Variants in MARCHF1 observed in about 807,000 individuals in gnomAD.
The protein encoded by MARCHF1 is E3 ubiquitin-protein ligase MARCHF1.
Under a neutral mutation model 54.2 loss-of-function variants are expected in MARCHF1, and 40 were observed. The ratio of observed to expected loss-of-function variants is 0.74; its 90% CI spans 0.57 to 0.96. The LOEUF (loss-of-function observed/expected upper bound fraction) is 0.96. Among genes scored for constraint, MARCHF1 ranks in the 40% least tolerant of loss-of-function variants. The pLI is 0.00. For missense variants in MARCHF1, 586 were observed against 656.5 expected (o/e 0.89, Z 1.17); for synonymous variants, 236 against 236.3 (o/e 1.00, Z 0.01).
At chr4:164,087,174 T>G (rs929047636) in intron 2 of MARCHF1, among the ~76,000 whole-genome samples, 6 of 152,186 alleles carry the variant, frequency 3.9e-5, no homozygotes, top group African/African-American at 1.4e-4. Flanking sequence ...AAATTTTCTT[T>G]TTTCTAAATA....
At chr4:163,641,546 G>T (rs921820990) in intron 5 of MARCHF1, among the ~76,000 whole-genome samples, 1 of 152,134 alleles carries the variant, frequency 6.6e-6, no homozygotes, top group African/African-American at 2.4e-5. Flanking sequence ...TAATTCCTGT[G>T]TTCATACAGG....
intron 4 of MARCHF1, among the ~76,000 whole-genome samples, chr4:163,787,192 T>G (rs1747646293): frequency 6.6e-6 from 1 of 151,624 alleles, no homozygotes; most frequent in Admixed American, 6.6e-5. Flanking sequence ...AATATAACAT[T>G]GAAGCAAAGA....
At chr4:164,364,674 T>G (rs1226356762) in intron 1 of MARCHF1, among the ~76,000 whole-genome samples, 1 of 151,858 alleles carries the variant, frequency 6.6e-6, no homozygotes, top group East Asian at 1.9e-4. Context: ...CTCTGTAACC[T>G]TCTCTTGAAC....
chr4:163,555,833 G>A (rs902596388), intron 8 of MARCHF1: 9 of 402,974 alleles, frequency 2.2e-5, no homozygotes, highest in African/African-American at 1.4e-4. Context: ...TCTGTTGTGG[G>A]CTCTTCGCCT....
chr4:163,929,917 TAA>T (rs1248586795), intron 3 of MARCHF1, among the ~76,000 whole-genome samples: 3 of 108,916 alleles, frequency 2.8e-5, no homozygotes, highest in Admixed American at 1.4e-4. Context: ...GAAATATATA[TAA>T]TATATATAAT....
chr4:164,218,344 C>A, intron 1 of MARCHF1, among the ~76,000 whole-genome samples: 1 of 151,904 alleles, frequency 6.6e-6, no homozygotes, highest in Non-Finnish European at 1.5e-5. Context: ...TGTAAATGGT[C>A]TTACTCCTAA....
intron 2 of MARCHF1, among the ~76,000 whole-genome samples, chr4:164,082,354 A>C (rs186522222): frequency 1.5e-3 from 225 of 152,352 alleles, no homozygotes; most frequent in African/African-American, 5.1e-3. Flanking sequence ...ATCAATTTAC[A>C]GGCCCCATTA....
At chr4:163,638,795 AAT>A (rs1742445530) in intron 5 of MARCHF1, among the ~76,000 whole-genome samples, 1 of 152,202 alleles carries the variant, frequency 6.6e-6, no homozygotes. Context: ...GGATAAACAA[AAT>A]AAGGTATGTA....
intron 1 of MARCHF1, chr4:164,234,696 C>T (rs1732499597): frequency 6.6e-6 from 1 of 151,954 alleles, no homozygotes; most frequent in African/African-American, 2.4e-5. Context: ...CTCTTAAATC[C>T]ACAGAAATGT....
intron 3 of MARCHF1, among the ~76,000 whole-genome samples, chr4:163,939,889 GGT>G (rs750910145): frequency 2.0e-5 from 3 of 152,116 alleles, no homozygotes; most frequent in Non-Finnish European, 4.4e-5. Context: ...AGAATAGAAA[GGT>G]GTTATAGGAC....
At chr4:164,064,270 G>A (rs1754682212) in intron 2 of MARCHF1, among the ~76,000 whole-genome samples, 1 of 152,164 alleles carries the variant, frequency 6.6e-6, no homozygotes, top group Non-Finnish European at 1.5e-5. Flanking sequence ...CCATTTTAAT[G>A]ATATTGATTT....
At chr4:164,188,675 G>A (rs772362715) in intron 1 of MARCHF1, 5 of 1,118,278 alleles carry the variant, frequency 4.5e-6, no homozygotes, top group Non-Finnish European at 6.9e-6. Flanking sequence ...GTGGCTCATC[G>A]GCCGCACGTG....
At chr4:164,266,032 C>T (rs1733602266) in intron 1 of MARCHF1, among the ~76,000 whole-genome samples, 1 of 152,134 alleles carries the variant, frequency 6.6e-6, no homozygotes, top group South Asian at 2.1e-4. Context: ...CCTGTTTGTT[C>T]GCTCCTGCCA....
intron 1 of MARCHF1, among the ~76,000 whole-genome samples, chr4:164,342,617 A>C (rs1729963605): frequency 6.6e-6 from 1 of 152,088 alleles, no homozygotes; most frequent in Non-Finnish European, 1.5e-5. Flanking sequence ...TTCTGGGTAT[A>C]TATCTACAGG....
intron 1 of MARCHF1, among the ~76,000 whole-genome samples, chr4:164,124,432 C>T (rs1439375776): frequency 6.6e-6 from 1 of 152,208 alleles, no homozygotes; most frequent in East Asian, 1.9e-4. Flanking sequence ...GCTGGGTATA[C>T]ACCCAAAAGA....
chr4:164,235,690 T>C lies in MARCHF1; in HGVS notation c.-322-124028A>G, dbSNP rs72987796. Among the ~76,000 whole-genome samples the C allele has an allele frequency of 6.9e-3, 1,038 of 150,704 alleles. 13 individuals are homozygous for C. Among genetic ancestry groups the C allele is most frequent in the African/African-American group, 0.024 (999 of 40,776 alleles). The stretch of plus-strand genomic sequence containing the variant: ...ATAAGTGGGAGCTAAGCTATGAGTA[T>C]GCAAAGGCATACAGAGTGATACAGT... On this transcript the variant is annotated intron_variant, in intron 1 of 9. Coordinates refer to ENST00000514618, the MANE Select transcript of MARCHF1 (RefSeq NM_001394959.1).
chr4:163,583,779 A>T (rs1405213558), intron 8 of MARCHF1: 1 of 150,356 alleles, frequency 6.7e-6, no homozygotes, highest in Non-Finnish European at 1.5e-5. Context: ...CCTCTTGAGT[A>T]GCTGGAACTA....
At chr4:163,625,904 C>T (rs547919512) in intron 5 of MARCHF1, among the ~76,000 whole-genome samples, 3 of 152,166 alleles carry the variant, frequency 2.0e-5, no homozygotes, top group Non-Finnish European at 4.4e-5. Context: ...CTTTTAAACA[C>T]ATGGCCCTAT....
At chr4:164,124,568 A>G (rs1756140827) in intron 1 of MARCHF1, among the ~76,000 whole-genome samples, 1 of 152,200 alleles carries the variant, frequency 6.6e-6, no homozygotes. Context: ...AATGTGTTAC[A>G]TATACACAAC....
Sources: allele counts gnomAD v4.1 joint callset (sites outside exome capture counted in the v4.1 genomes callset), GRCh38; gene constraint gnomAD v4.1.1; transcripts MANE v1.5; gene names NCBI Gene and HGNC (gene_info 2026-07-23, HGNC 2026-07-21).